The following CTIF variants were observed in gnomAD, a reference collection of about 807,000 sequenced individuals.
The protein encoded by CTIF is cap binding complex dependent translation initiation factor, also known as CBP80/20-dependent translation initiation factor.
In CTIF, 21 loss-of-function variants were observed where a neutral mutation model predicts 66.0. That is an observed-to-expected ratio of 0.32 (90% CI 0.23 to 0.46). The LOEUF is 0.46. Ranked by LOEUF, CTIF falls within the 20% of genes least tolerant of loss-of-function variation. The probability of loss-of-function intolerance (pLI) is 1.00; values close to 1 mark genes in which losing one functional copy is unlikely to be tolerated. For missense variants in CTIF, 739 were observed against 812.7 expected, an observed-to-expected ratio of 0.91 and a Z score of 1.10; for synonymous variants, 345 against 326.4, an observed-to-expected ratio of 1.06 and a Z score of -0.62.
chr18:48,850,450 G>A (rs12455029), intron 10 of CTIF, among the ~76,000 whole-genome samples: 46,793 of 152,104 alleles, frequency 0.31, 8,146 homozygotes, highest in African/African-American at 0.47. Context: ...GGCCCTCTCC[G>A]TACTGGCAGG....
At chr18:48,581,303 G>T (rs1171959247) in intron 1 of CTIF, among the ~76,000 whole-genome samples, 1 of 151,924 alleles carries the variant, frequency 6.6e-6, no homozygotes, top group Non-Finnish European at 1.5e-5. Flanking sequence ...TATCTGCCCT[G>T]TGTCGAAAAT....
intron 1 of CTIF, chr18:48,565,846 T>C (rs1054107987): frequency 1.3e-5 from 2 of 152,160 alleles, no homozygotes; most frequent in African/African-American, 4.8e-5. Flanking sequence ...AACGGTCATG[T>C]GGGATGGGAA....
chr18:48,629,636 C>CAAA (rs377481318), intron 2 of CTIF, among the ~76,000 whole-genome samples: 75 of 134,880 alleles, frequency 5.6e-4, no homozygotes, highest in East Asian at 1.8e-3. Flanking sequence ...TTGTTTAGAG[C>CAAA]AAAAAAAAAA....
intron 9 of CTIF, among the ~76,000 whole-genome samples, chr18:48,784,057 C>G (rs954633393): frequency 5.9e-5 from 9 of 152,330 alleles, no homozygotes; most frequent in Admixed American, 4.6e-4. Context: ...GTGCTGTGTT[C>G]CAGGCAGCGA....
At chr18:48,605,925 C>A (rs2090192483) in intron 1 of CTIF, among the ~76,000 whole-genome samples, 1 of 152,220 alleles carries the variant, frequency 6.6e-6, no homozygotes, top group African/African-American at 2.4e-5. Flanking sequence ...TTTCTGGCTG[C>A]CTGTTTTCCC....
In CTIF at chr18:48,758,425, T is replaced by A. The variant is rs751554259; in HGVS notation, c.1071+20T>A. On this transcript the variant is annotated intron_variant, in intron 8 of 11. Coordinates refer to ENST00000256413, the MANE Select transcript of CTIF (RefSeq NM_014772.3). ...GAAAAGGTACCGGTAATTGAATTTT[T>A]GTTCTTCTCTTGCACCAGGGAGGAC... 1.3e-6 allele frequency: 2 copies of A among 1,560,900 alleles called. No individual in the cohort carries two copies. The highest frequency in any genetic ancestry group is 3.7e-5 in the Admixed American group (2 of 53,998).
intron 10 of CTIF, among the ~76,000 whole-genome samples, chr18:48,829,531 G>A (rs924541854): frequency 9.2e-6 from 1 of 108,622 alleles, no homozygotes; most frequent in Non-Finnish European, 2.1e-5. Flanking sequence ...CTCTGCAGAC[G>A]TCTGCAGAGC....
intron 2 of CTIF, among the ~76,000 whole-genome samples, chr18:48,622,068 G>A (rs1156393582): frequency 6.6e-6 from 1 of 152,224 alleles, no homozygotes; most frequent in Non-Finnish European, 1.5e-5. Context: ...CTTTAACCAG[G>A]GTGGAGGTTT....
At chr18:48,736,049 G>A (rs1242536328) in intron 7 of CTIF, among the ~76,000 whole-genome samples, 2 of 152,114 alleles carry the variant, frequency 1.3e-5, no homozygotes, top group African/African-American at 2.4e-5. Context: ...CCATAGAAGC[G>A]ACTGTTCCTT....
At chr18:48,727,618 C>A (rs1028531870) in intron 7 of CTIF, among the ~76,000 whole-genome samples, 5 of 152,238 alleles carry the variant, frequency 3.3e-5, no homozygotes, top group African/African-American at 9.6e-5. Flanking sequence ...ACCCACACAT[C>A]TCTTCAAGAC....
chr18:48,542,546 G>C (rs2088645460), intron 1 of CTIF, among the ~76,000 whole-genome samples: 1 of 152,234 alleles, frequency 6.6e-6, no homozygotes, highest in South Asian at 2.1e-4. Context: ...ATTAAGTCCA[G>C]CAAATGTTTA....
At chr18:48,616,356 C>T (rs1290729497) in intron 1 of CTIF, among the ~76,000 whole-genome samples, 1 of 152,218 alleles carries the variant, frequency 6.6e-6, no homozygotes, top group Non-Finnish European at 1.5e-5. Context: ...GGGGCCAGCT[C>T]TCCGGAACCT....
intron 3 of CTIF, among the ~76,000 whole-genome samples, chr18:48,651,289 G>T (rs2091151350): frequency 6.6e-6 from 1 of 152,146 alleles, no homozygotes; most frequent in South Asian, 2.1e-4. Context: ...AAAATAAAGG[G>T]ATGGAGGAAG....
intron 9 of CTIF, among the ~76,000 whole-genome samples, chr18:48,810,286 A>C (rs1304393790): frequency 1.3e-5 from 2 of 152,148 alleles, no homozygotes; most frequent in Admixed American, 1.3e-4. Context: ...ACATTGGTTT[A>C]GATGATATAT....
rs193106168 is a variant in CTIF, at chr18:48,663,840, C to T, written c.326+15C>T. 8 of 1,612,568 alleles carry T rather than the reference C, an allele frequency of 5.0e-6. No homozygotes were observed. Among genetic ancestry groups the T allele is most frequent in the East Asian group, 2.2e-5 (1 of 44,890 alleles). On this transcript the variant is annotated intron_variant, in intron 4 of 11. Coordinates refer to ENST00000256413, the MANE Select transcript of CTIF (RefSeq NM_014772.3). ...GATTCCTTCAGGTAACCTCCTCCTCCCTCCTTCCCTGTGGTGTGAGGTCCA... is the reference window on the plus strand; with the variant it reads ...GATTCCTTCAGGTAACCTCCTCCTCTCTCCTTCCCTGTGGTGTGAGGTCCA...
intron 1 of CTIF, among the ~76,000 whole-genome samples, chr18:48,599,850 A>G (rs990043503): frequency 2.0e-5 from 3 of 152,172 alleles, no homozygotes; most frequent in African/African-American, 7.2e-5. Context: ...CAAGGCCCCC[A>G]GTGTGATGTG....
chr18:48,565,433 A>C (rs759267776), intron 1 of CTIF: 1 of 152,086 alleles, frequency 6.6e-6, no homozygotes, highest in Non-Finnish European at 1.5e-5. Context: ...GCCTTGGGGC[A>C]TGTGGGAAGG....
chr18:48,713,726 A>T (rs1468398927), intron 7 of CTIF, among the ~76,000 whole-genome samples: 1 of 152,162 alleles, frequency 6.6e-6, no homozygotes, highest in Non-Finnish European at 1.5e-5. Flanking sequence ...AAAGATTTAT[A>T]CGGAGAGATG....
chr18:48,567,678 A>C (rs895101741), intron 1 of CTIF: 1 of 152,274 alleles, frequency 6.6e-6, no homozygotes. Context: ...GAAGTGGGGA[A>C]CGTGTTCTCA....
Sources: gnomAD v4.1 joint callset for allele counts (sites outside exome capture counted in the v4.1 genomes callset) on GRCh38, gnomAD v4.1.1 for gene constraint, MANE v1.5 for transcripts, NCBI Gene and HGNC (gene_info 2026-07-23, HGNC 2026-07-21) for gene names.